SLCO5A1: variants seen among roughly 807,000 people sequenced by gnomAD.
SLCO5A1 encodes the protein solute carrier organic anion transporter family member 5A1, also known as organic anion transporter polypeptide-related protein 4.
A neutral mutation model predicts 65.1 loss-of-function variants in SLCO5A1; 39 were observed. The ratio of observed to expected loss-of-function variants is 0.60; its 90% CI spans 0.46 to 0.78. The LOEUF (loss-of-function observed/expected upper bound fraction) is 0.78, where lower values mean the gene tolerates loss of function less well. Ranked by LOEUF, SLCO5A1 falls within the 30% of genes least tolerant of loss-of-function variation. The pLI, the probability that SLCO5A1 is intolerant of heterozygous loss-of-function variation, is 0.00. For missense variants in SLCO5A1, 1,029 were observed against 1,069.4 expected (o/e 0.96, Z 0.53); for synonymous variants, 438 against 415.7 (o/e 1.05, Z -0.65).
chr8:69,763,776 G>A lies in SLCO5A1; in HGVS notation c.908-1901C>T, dbSNP rs1419803543. The stretch of plus-strand genomic sequence containing the variant: ...TTGTCAATTTTAAAATTTTAAGATA[G>A]GATATGGAATTCCTTGAGAATCATA... On this transcript the variant is annotated intron_variant, in intron 2 of 9. Coordinates refer to ENST00000260126, the MANE Select transcript of SLCO5A1 (RefSeq NM_030958.3). 4.0e-5 allele frequency among the ~76,000 whole-genome samples: 6 copies of A among 151,540 alleles called. No homozygotes were observed. The East Asian group carries it at 1.2e-3, about 29-fold the overall frequency.
intron 2 of SLCO5A1, chr8:69,773,087 T>G (rs1818405809): frequency 2.5e-6 from 1 of 406,226 alleles, no homozygotes; most frequent in Non-Finnish European, 3.3e-6. Flanking sequence ...GCACACAGAT[T>G]TGAACGTGCA....
intron 2 of SLCO5A1, among the ~76,000 whole-genome samples, chr8:69,819,162 A>G (rs931721036): frequency 6.6e-5 from 10 of 152,066 alleles, no homozygotes; most frequent in Non-Finnish European, 1.2e-4. Flanking sequence ...CTCTGCCGCC[A>G]CTGCTCCTCC....
intron 7 of SLCO5A1, 74 bp downstream of exon 7, chr8:69,682,110 T>A (rs1001822143): frequency 5.4e-6 from 8 of 1,472,460 alleles, no homozygotes; most frequent in Non-Finnish European, 7.4e-6. Flanking sequence ...TCATTGTAGC[T>A]GCATAGGAAT....
chr8:69,704,193 C>T (rs1814869069), intron 6 of SLCO5A1, among the ~76,000 whole-genome samples: 1 of 152,184 alleles, frequency 6.6e-6, no homozygotes, highest in Non-Finnish European at 1.5e-5. Context: ...TGGGCCACTG[C>T]ACCAGCCATG....
At chr8:69,775,558 T>G (rs1818522162) in intron 2 of SLCO5A1, among the ~76,000 whole-genome samples, 1 of 152,200 alleles carries the variant, frequency 6.6e-6, no homozygotes, top group Admixed American at 6.5e-5. Flanking sequence ...CAGGAAGGCA[T>G]GTAAAATATT....
chr8:69,820,668 C>CAAAAAAATATATTT (rs1554530181), intron 2 of SLCO5A1, among the ~76,000 whole-genome samples: 1 of 150,784 alleles, frequency 6.6e-6, no homozygotes, highest in Non-Finnish European at 1.5e-5. Flanking sequence ...CATGTCTCTA[C>CAAAAAAATATATTT]AAAAAAATAT....
At chr8:69,794,621 G>T in intron 2 of SLCO5A1, 2 of 314,496 alleles carry the variant, frequency 6.4e-6, no homozygotes, top group Non-Finnish European at 6.5e-6. Context: ...TTTTGCTTTA[G>T]CAATTCTGCT....
chr8:69,828,946 C>G (rs1173643391), intron 2 of SLCO5A1, among the ~76,000 whole-genome samples: 1 of 152,058 alleles, frequency 6.6e-6, no homozygotes, highest in African/African-American at 2.4e-5. Context: ...ATTGATGCTA[C>G]CAAAAGTGGG....
rs1189559614 is a variant in SLCO5A1, at chr8:69,772,563, AGAAAGGAAAGGAAAGGAAAG to A, written c.908-10708_908-10689del. On this transcript the variant is annotated intron_variant, in intron 2 of 9. Coordinates refer to ENST00000260126, the MANE Select transcript of SLCO5A1 (RefSeq NM_030958.3). Reference sequence around the variant, plus strand: ...AAAAGGAGGGAAGGAGGGAGGGAGGAGAAAGGAAAGGAAAGGAAAGGAAAGGAAAGGAAAGGAAAGGAAAG... The same window carrying A: ...AAAAGGAGGGAAGGAGGGAGGGAGGAGAAAGGAAAGGAAAGGAAAGGAAAG... 9.2e-3 allele frequency among the ~76,000 whole-genome samples: 325 copies of A among 35,342 alleles called. 2 individuals are homozygous for A. Among genetic ancestry groups the A allele is most frequent in the African/African-American group, 0.019 (148 of 7,856 alleles). 23.2% of individuals were successfully genotyped at this position (35,342 alleles called of 152,430 possible). A position where few individuals can be genotyped will look rare whatever the true frequency, so the allele number is the denominator to read the frequency against.
chr8:69,817,000 A>C (rs1820438679), intron 2 of SLCO5A1, among the ~76,000 whole-genome samples: 1 of 152,220 alleles, frequency 6.6e-6, no homozygotes, highest in Admixed American at 6.5e-5. Flanking sequence ...TTGACTGTAT[A>C]ACCTGGACAG....
In SLCO5A1 at chr8:69,672,846, C is replaced by A. The variant is rs368551305; in HGVS notation, c.*23G>T. 11 of 1,577,424 alleles carry A rather than the reference C, an allele frequency of 7.0e-6. No individual in the cohort carries two copies. In the African/African-American group the frequency reaches 1.4e-4, roughly 20 times the overall value. ...GCCATTTTCAATTCAACCAACAAAA[C>A]TAAATTCTTCCATTTTCAAGCTTCA... On this transcript the variant is annotated 3_prime_UTR_variant, in exon 10 of 10. Transcript: ENST00000260126.
At chr8:69,802,881 G>C (rs895415340) in intron 2 of SLCO5A1, among the ~76,000 whole-genome samples, 39 of 152,312 alleles carry the variant, frequency 2.6e-4, no homozygotes, top group Admixed American at 2.4e-3. Context: ...CCAGCACAGA[G>C]GCTCCCAGAG....
At chr8:69,773,803 C>A (rs1002560089) in intron 2 of SLCO5A1, among the ~76,000 whole-genome samples, 2 of 152,158 alleles carry the variant, frequency 1.3e-5, no homozygotes, top group Non-Finnish European at 1.5e-5. Context: ...ACTCAGATAC[C>A]CTTCTCCCTG....
chr8:69,765,949 C>T (rs1818043682), intron 2 of SLCO5A1, among the ~76,000 whole-genome samples: 1 of 152,170 alleles, frequency 6.6e-6, no homozygotes, highest in Admixed American at 6.5e-5. Context: ...TTCTAGCAGC[C>T]CTCACACTCC....
chr8:69,692,783 C>A (rs139135309), intron 6 of SLCO5A1, among the ~76,000 whole-genome samples: 3 of 152,338 alleles, frequency 2.0e-5, no homozygotes, highest in African/African-American at 7.2e-5. Flanking sequence ...ATGCATGGAG[C>A]TGTCATCTCC....
In SLCO5A1 at chr8:69,787,182, T is replaced by G. The variant is rs185738526; in HGVS notation, c.908-25307A>C. On this transcript the variant is annotated intron_variant, in intron 2 of 9. Coordinates refer to ENST00000260126, the MANE Select transcript of SLCO5A1 (RefSeq NM_030958.3). ...CATATCAACCTCTTCTTACAAAAAG[T>G]AACTTTATTCTTTCCAACCTCTGAT... Among the ~76,000 whole-genome samples the G allele has an allele frequency of 2.0e-3, 310 of 152,354 alleles. 1 individual carries two copies. Among genetic ancestry groups the G allele is most frequent in the Non-Finnish European group, 3.5e-3 (238 of 68,038 alleles).
At chr8:69,792,894 T>C (rs1417056029) in intron 2 of SLCO5A1, among the ~76,000 whole-genome samples, 2 of 152,150 alleles carry the variant, frequency 1.3e-5, no homozygotes. Flanking sequence ...GGAAAAAAAA[T>C]CATAGTAAAT....
intron 4 of SLCO5A1, among the ~76,000 whole-genome samples, chr8:69,749,425 C>T (rs1328594813): frequency 6.6e-6 from 1 of 152,126 alleles, no homozygotes; most frequent in Non-Finnish European, 1.5e-5. Context: ...CAAGACCAGC[C>T]TGGCCAACAT....
intron 5 of SLCO5A1, among the ~76,000 whole-genome samples, chr8:69,732,758 G>T (rs531597850): frequency 6.6e-6 from 1 of 151,980 alleles, no homozygotes; most frequent in Non-Finnish European, 1.5e-5. Flanking sequence ...GCATGGTGGC[G>T]CATGCCTGTA....
Sources: gnomAD v4.1 joint callset for allele counts (sites outside exome capture counted in the v4.1 genomes callset) on GRCh38, gnomAD v4.1.1 for gene constraint, MANE v1.5 for transcripts, NCBI Gene and HGNC (gene_info 2026-07-23, HGNC 2026-07-21) for gene names.